KDM5C: variants seen among roughly 807,000 people sequenced by gnomAD.
The protein encoded by KDM5C is lysine-specific demethylase 5C.
A neutral mutation model predicts 110.6 loss-of-function variants in KDM5C; 16 were observed. That is an observed-to-expected ratio of 0.14 (90% CI 0.10 to 0.22). The LOEUF is 0.22. KDM5C is among the 10% of genes least tolerant of loss of function. The pLI is 1.00. For synonymous variants in KDM5C, 511 were observed against 520.4 expected, an observed-to-expected ratio of 0.98 and a Z score of 0.24; for missense variants, 681 against 1,300.9, an observed-to-expected ratio of 0.52 and a Z score of 7.33.
rs782771960 is a variant in KDM5C, at chrX:53,196,802, G to A, written c.2865C>T (p.Val955=). ...GTLAVMRGLL[V]AGASVAPSPA... is the part of the protein sequence containing the mutation. Reference sequence around the variant, plus strand: ...GGCTAGGGGCTACACTGGCACCCGCGACCAACAGTCCTCGCATGACAGCCA... The same window carrying A: ...GGCTAGGGGCTACACTGGCACCCGCAACCAACAGTCCTCGCATGACAGCCA... Residue 955 remains valine, a synonymous_variant, in exon 19 of 26, where the codon GTC becomes GTT. Transcript: ENST00000375401. 1.7e-6 allele frequency: 2 copies of A among 1,210,937 alleles called. No individual in the cohort carries two copies. Among genetic ancestry groups the A allele is most frequent in the African/African-American group, 1.7e-5 (1 of 57,654 alleles).
intron 25 of KDM5C, among the ~76,000 whole-genome samples, chrX:53,183,600 G>C (rs782660549): frequency 1.0e-5 from 1 of 98,933 alleles, no homozygotes; most frequent in Non-Finnish European, 2.0e-5. Context: ...ACGGAGTCTT[G>C]CTCTGTCACC....
chrX:53,204,238 CTTTTTTTTTTTT>C (rs10604955), intron 12 of KDM5C, among the ~76,000 whole-genome samples: 10 of 60,793 alleles, frequency 1.6e-4, no homozygotes, highest in African/African-American at 5.0e-4. Context: ...AAAGAAAATC[CTTTTTTTTTTTT>C]TTTTTTTTTT....
chrX:53,204,129 T>C (rs2073240214), intron 12 of KDM5C, among the ~76,000 whole-genome samples: 1 of 111,133 alleles, frequency 9.0e-6, no homozygotes, highest in African/African-American at 3.3e-5. Flanking sequence ...AGTACACAGA[T>C]GAAGCTTGTC....
At chrX:53,191,404 A>G, downstream of KDM5C, 2 of 175,493 alleles carry the variant, frequency 1.1e-5, no homozygotes, top group Non-Finnish European at 2.2e-5. Context: ...AGGGATATGG[A>G]GTTTCTTTCT....
intron 14 of KDM5C, among the ~76,000 whole-genome samples, chrX:53,200,491 G>A (rs1218197322): frequency 9.0e-6 from 1 of 111,291 alleles, no homozygotes; most frequent in South Asian, 3.8e-4. Flanking sequence ...CCCACAGCTT[G>A]GCACAGCCAC....
rs1306945023 is a variant in KDM5C at position 53,192,583 on chromosome X, C to T, written c.*384G>A. 2.0e-6 allele frequency: 1 copy of T among 505,962 alleles called. No homozygotes were observed. Among genetic ancestry groups the T allele is most frequent in the Non-Finnish European group, 3.3e-6 (1 of 302,824 alleles). 41.7% of individuals were successfully genotyped at this position (505,962 alleles called of 1,213,427 possible). On this transcript the variant is annotated 3_prime_UTR_variant, in exon 26 of 26. Transcript: ENST00000375401. ...GGGGCAGGGGTTAGTGTAGCATGGC[C>T]TGGCCAGGACCAGAACTGGGGAGAG... is the stretch of plus-strand genomic sequence containing the variant.
chrX:53,186,299 G>T (rs1241423449), intron 25 of KDM5C, among the ~76,000 whole-genome samples: 1 of 111,661 alleles, frequency 9.0e-6, no homozygotes, highest in South Asian at 3.8e-4. Context: ...AAAATTGGAG[G>T]TGGCAATATC....
rs111477081 is a variant in KDM5C, at chrX:53,210,351, C to T, written c.1746+63G>A. On this transcript the variant is annotated intron_variant, in intron 12 of 25. Coordinates refer to ENST00000375401, the MANE Select transcript of KDM5C (RefSeq NM_004187.5). ...TACAGATGACAACCACCGCCACCAC[C>T]ACCATCACAAAGGACATCACTAAAT... 4.7e-3 allele frequency: 5,570 copies of T among 1,176,961 alleles called. 94 individuals are homozygous for T. The African/African-American group carries it at 0.063, about 13-fold the overall frequency.
At position 53,224,862 on chromosome X, in the gene KDM5C, G is replaced by A. The variant is rs2146978777; in HGVS notation, c.28C>T (p.Pro10Ser). Residue 10 changes from proline (P) to serine (S), a missense_variant, in exon 1 of 26, where the codon CCG becomes TCG. Transcript: ENST00000375401. MEPGSDDFL[P>S]PPECPVFEPS... Reference sequence around the variant, plus strand: ...TCGAACACCGGGCACTCCGGTGGCGGTAGGAAATCGTCGGACCCCGGCTCC... The same window carrying A: ...TCGAACACCGGGCACTCCGGTGGCGATAGGAAATCGTCGGACCCCGGCTCC... The A allele has an allele frequency of 8.3e-7, 1 of 1,209,095 alleles. No individual in the cohort carries two copies. The highest frequency in any genetic ancestry group is 1.8e-5 in the South Asian group (1 of 56,652).
Position 53,196,900 on chromosome X carries a change from G to C in KDM5C, c.2767C>G (p.Arg923Gly). The change falls in exon 19 of 26, where the codon CGG becomes GGG. Residue 923 changes from arginine (R) to glycine (G), a missense_variant. By Grantham distance (125) the Arg-to-Gly change is moderately radical. Around this residue, in one of 14 missense-constraint regions of KDM5C, gnomAD observed 123 missense variants for 169.0 expected, o/e 0.73. Coordinates refer to ENST00000375401, the MANE Select transcript of KDM5C (RefSeq NM_004187.5). Reference protein sequence around the residue: ...VEVPEAQQLQRQVEQARWLDE... With the variant: ...VEVPEAQQLQGQVEQARWLDE... The stretch of plus-strand genomic sequence containing the variant: ...AGCCATCGCGCCTGTTCCACCTGCC[G>C]CTGGAGCTGCTGGGCCTCAGGCACC... 8.3e-7 allele frequency: 1 copy of C among 1,201,846 alleles called. No homozygotes were observed. Among genetic ancestry groups the C allele is most frequent in the Non-Finnish European group, 1.1e-6 (1 of 890,229 alleles).
chrX:53,221,774 G>A, intron 1 of KDM5C: 2 of 972,360 alleles, frequency 2.1e-6, no homozygotes, highest in Non-Finnish European at 2.7e-6. Context: ...GGGGGTGGGG[G>A]TAAGTGCTGG....
At chrX:53,178,370 T>C (rs1486952045) in intron 25 of KDM5C, among the ~76,000 whole-genome samples, 1 of 112,340 alleles carries the variant, frequency 8.9e-6, no homozygotes, top group African/African-American at 3.2e-5. Flanking sequence ...TGACTGGCCT[T>C]TTCATTCTTT....
At chrX:53,191,784 G>C, downstream of KDM5C, 1 of 175,926 alleles carries the variant, frequency 5.7e-6, no homozygotes, top group Non-Finnish European at 1.1e-5. Flanking sequence ...CCAAATCACT[G>C]AATTGTACAT....
intron 12 of KDM5C, among the ~76,000 whole-genome samples, chrX:53,206,189 C>T (rs782643012): frequency 1.3e-4 from 15 of 112,224 alleles, no homozygotes; most frequent in African/African-American, 4.9e-4. Flanking sequence ...GTGGATGAAC[C>T]CCAAAAACAT....
intron 12 of KDM5C, among the ~76,000 whole-genome samples, chrX:53,206,032 G>A (rs1206852611): frequency 2.7e-5 from 3 of 111,840 alleles, no homozygotes; most frequent in Non-Finnish European, 3.8e-5. Flanking sequence ...TTCCTATGTG[G>A]TTATTTAGAA....
chrX:53,181,137 T>A (rs12556614), intron 25 of KDM5C, among the ~76,000 whole-genome samples: 17,177 of 106,464 alleles, frequency 0.16, 1,104 homozygotes, highest in African/African-American at 0.21. Context: ...ATATATATAT[T>A]TTTTTTTGTT....
chrX:53,219,091 T>G (rs1205060188), intron 2 of KDM5C, among the ~76,000 whole-genome samples: 1 of 112,746 alleles, frequency 8.9e-6, no homozygotes, highest in Non-Finnish European at 1.9e-5. Flanking sequence ...GCCAAATAAT[T>G]TGAGCTTTGG....
At chrX:53,198,351 C>T (rs1336720842) in intron 17 of KDM5C, 139 bp downstream of exon 17, 19 of 781,659 alleles carry the variant, frequency 2.4e-5, no homozygotes, top group South Asian at 2.3e-4. Context: ...TCCAGGCCAT[C>T]TCACACTCTT....
intron 2 of KDM5C, 45 bp from the exon 3 acceptor site, chrX:53,218,443 G>T: frequency 1.7e-6 from 2 of 1,200,043 alleles, no homozygotes; most frequent in South Asian, 3.5e-5. Flanking sequence ...CCCTCCCACT[G>T]ACCACTATCT....
Sources: allele counts gnomAD v4.1 joint callset (sites outside exome capture counted in the v4.1 genomes callset), GRCh38; gene constraint gnomAD v4.1.1; regional missense constraint gnomAD v4.1.1; transcripts MANE v1.5; gene names NCBI Gene and HGNC (gene_info 2026-07-23, HGNC 2026-07-21).